Variants in MTR observed in about 807,000 individuals in gnomAD.
The protein encoded by MTR is methionine synthase.
Under a neutral mutation model 154.8 loss-of-function variants are expected in MTR, and 84 were observed. The observed-to-expected ratio is 0.54, with a 90% CI of 0.45 to 0.65. The LOEUF is 0.65. Ranked by LOEUF, MTR falls within the 30% of genes least tolerant of loss-of-function variation. The pLI is 0.00. For synonymous variants in MTR, 554 were observed against 553.9 expected (o/e 1.00, Z 0.00); for missense variants, 1,275 against 1,570.2 (o/e 0.81, Z 3.18).
At chr1:236,881,076 C>CA (rs1665705915) in intron 25 of MTR, among the ~76,000 whole-genome samples, 1 of 152,134 alleles carries the variant, frequency 6.6e-6, no homozygotes, top group Non-Finnish European at 1.5e-5. Flanking sequence ...GATGGCCTGG[C>CA]ACCAAGACAT....
intron 25 of MTR, among the ~76,000 whole-genome samples, chr1:236,881,527 G>A (rs1665734453): frequency 6.6e-6 from 1 of 151,936 alleles, no homozygotes; most frequent in African/African-American, 2.4e-5. Flanking sequence ...TTCCAGGTAA[G>A]ACGTCACTTA....
At chr1:236,808,584 CAG>C in intron 3 of MTR, 118 bp from the exon 4 acceptor site, 1 of 976,644 alleles carries the variant, frequency 1.0e-6, no homozygotes, top group Non-Finnish European at 1.6e-6. Flanking sequence ...ACTCAGACCT[CAG>C]ATTAATTCAC....
rs1384413336 is a variant in MTR at position 236,900,054 on chromosome 1, C to T, written c.*2410C>T. The T allele has an allele frequency of 1.5e-5, 4 of 263,740 alleles. No homozygotes were observed. The highest frequency in any genetic ancestry group is 9.4e-5 in the Admixed American group (2 of 21,310). 16.3% of individuals were successfully genotyped at this position (263,740 alleles called of 1,614,324 possible). A position where few individuals can be genotyped will look rare whatever the true frequency, so the allele number is the denominator to read the frequency against. Reference sequence around the variant, plus strand: ...GCAGACGTTATGATCTTGCTTCCAACTCCCACCTGTATGTCCAGCAAACTC... The same window carrying T: ...GCAGACGTTATGATCTTGCTTCCAATTCCCACCTGTATGTCCAGCAAACTC... On this transcript the variant is annotated 3_prime_UTR_variant, in exon 33 of 33. Coordinates refer to ENST00000366577, the MANE Select transcript of MTR (RefSeq NM_000254.3).
rs151148447 is a variant in MTR, at chr1:236,814,429, A to C, written c.610-1175A>C. Among the ~76,000 whole-genome samples, 282 of 152,324 alleles carry C rather than the reference A, an allele frequency of 1.9e-3. 4 individuals carry two copies. The Middle Eastern group carries it at 0.048, about 26-fold the overall frequency. On this transcript the variant is annotated intron_variant, in intron 6 of 32. Coordinates refer to ENST00000366577, the MANE Select transcript of MTR (RefSeq NM_000254.3). ...TAAGGATAGGTTTTGTTGAGTTTCT[A>C]AGTTTTCGAATGTGTGGCATACATT...
At chr1:236,828,729 C>G (rs77742812) in intron 11 of MTR, among the ~76,000 whole-genome samples, 2,836 of 152,166 alleles carry the variant, frequency 0.019, 94 homozygotes, top group African/African-American at 0.065. Flanking sequence ...ACCTAATTCT[C>G]TCCTCTCCTA....
Position 236,832,069 on chromosome 1 carries a change from A to G in MTR, c.1179A>G (p.Gly393=), listed in dbSNP as rs1313198984. 3 of 1,612,990 alleles carry G rather than the reference A, an allele frequency of 1.9e-6. No homozygotes were observed. The highest frequency in any genetic ancestry group is 1.6e-4 in the Middle Eastern group (1 of 6,062). Residue 393 remains glycine (G), a synonymous_variant, in exon 13 of 33, where the codon GGA becomes GGG. Coordinates refer to ENST00000366577, the MANE Select transcript of MTR (RefSeq NM_000254.3). The part of the protein sequence containing the change: ...SRKFAKLIMA[G]NYEEALCVAK... ...AGTTTGCTAAACTCATCATGGCAGG[A>G]AACTATGAAGTGAGCATCTTAATAA...
rs1666992840 is a variant in MTR at position 236,903,110 on chromosome 1, T to G, written c.*5466T>G. On this transcript the variant is annotated 3_prime_UTR_variant, in exon 33 of 33. Coordinates refer to ENST00000366577, the MANE Select transcript of MTR (RefSeq NM_000254.3). ...GATTGCACAGCTGCACTCCAGCCTG[T>G]GCTGAGACCTCATCTCTTAAAAAAT... 1 of 152,116 alleles carries G rather than the reference T, an allele frequency of 6.6e-6. No individual in the cohort carries two copies. The highest frequency in any genetic ancestry group is 6.5e-5 in the Admixed American group (1 of 15,274). The allele number at this position is 152,116 out of a possible 1,614,324, so 9.4% of individuals were successfully genotyped here. A position where few individuals can be genotyped will look rare whatever the true frequency, so the allele number is the denominator to read the frequency against.
intron 27 of MTR, among the ~76,000 whole-genome samples, chr1:236,886,733 G>C (rs1666030011): frequency 6.6e-6 from 1 of 152,214 alleles, no homozygotes; most frequent in East Asian, 1.9e-4. Flanking sequence ...TCTTTCCTCT[G>C]TGCTGTGCTT....
chr1:236,866,720 A>G (rs1664842120), intron 22 of MTR, among the ~76,000 whole-genome samples: 1 of 152,224 alleles, frequency 6.6e-6, no homozygotes. Flanking sequence ...AAAGGATAGG[A>G]AAGCAAAACA....
intron 12 of MTR, among the ~76,000 whole-genome samples, chr1:236,830,813 C>G (rs746946766): frequency 6.6e-6 from 1 of 152,146 alleles, no homozygotes; most frequent in Non-Finnish European, 1.5e-5. Context: ...AAGCCAGTAC[C>G]GTGCATGGAA....
At chr1:236,886,477 C>A (rs1321151035) in intron 27 of MTR, 110 bp downstream of exon 27, 2 of 945,768 alleles carry the variant, frequency 2.1e-6, no homozygotes, top group Non-Finnish European at 1.7e-6. Flanking sequence ...TAACGACTCT[C>A]AACTGTGTCT....
chr1:236,833,862 G>T (rs1206847916), intron 13 of MTR, among the ~76,000 whole-genome samples: 1 of 152,184 alleles, frequency 6.6e-6, no homozygotes, highest in African/African-American at 2.4e-5. Context: ...TTTTGACCCT[G>T]TTGCTTACTA....
intron 15 of MTR, among the ~76,000 whole-genome samples, chr1:236,842,825 C>T (rs1196365890): frequency 6.6e-5 from 10 of 150,722 alleles, no homozygotes; most frequent in Non-Finnish European, 7.4e-5. Context: ...GTGGCTCACA[C>T]CTGTAATCCC....
intron 19 of MTR, among the ~76,000 whole-genome samples, chr1:236,860,553 T>G (rs529588503): frequency 1.3e-5 from 2 of 152,242 alleles, no homozygotes; most frequent in South Asian, 2.1e-4. Flanking sequence ...GAAGGGCGGA[T>G]AAGTCAATGG....
intron 2 of MTR, among the ~76,000 whole-genome samples, chr1:236,805,436 A>G (rs1660925603): frequency 6.6e-6 from 1 of 152,032 alleles, no homozygotes; most frequent in Admixed American, 6.5e-5. Flanking sequence ...CAGAACTACC[A>G]TTTGTTGAGT....
chr1:236,874,957 G>T, intron 24 of MTR, 111 bp downstream of exon 24: 1 of 1,227,260 alleles, frequency 8.1e-7, no homozygotes, highest in Non-Finnish European at 1.2e-6. Flanking sequence ...TTAGTACATT[G>T]ACTTTTTGTT....
chr1:236,798,090 T>C (rs559983748), intron 1 of MTR, among the ~76,000 whole-genome samples: 5 of 152,170 alleles, frequency 3.3e-5, no homozygotes, highest in African/African-American at 4.8e-5. Context: ...AGTAGTAAGA[T>C]TGTTTTTAAT....
intron 22 of MTR, among the ~76,000 whole-genome samples, chr1:236,864,044 CTA>C (rs1664697497): frequency 6.6e-6 from 1 of 152,096 alleles, no homozygotes; most frequent in Non-Finnish European, 1.5e-5. Context: ...GGTGATTAAG[CTA>C]GATTTTGGAA....
chr1:236,870,520 T>G (rs1181502680), intron 22 of MTR, among the ~76,000 whole-genome samples: 2 of 152,286 alleles, frequency 1.3e-5, no homozygotes, highest in East Asian at 3.9e-4. Flanking sequence ...GACTGGAGGT[T>G]CTGCATTTCC....
Sources: gnomAD v4.1 joint callset for allele counts (sites outside exome capture counted in the v4.1 genomes callset) on GRCh38, gnomAD v4.1.1 for gene constraint, MANE v1.5 for transcripts, NCBI Gene and HGNC (gene_info 2026-07-23, HGNC 2026-07-21) for gene names.